The following DOCK1 variants were observed in gnomAD, a reference collection of about 807,000 sequenced individuals.
The protein encoded by DOCK1 is dedicator of cytokinesis protein 1.
In DOCK1, 138 loss-of-function variants were observed where a neutral mutation model predicts 262.7. The observed-to-expected ratio is 0.53, with a 90% CI of 0.46 to 0.61. DOCK1 has a LOEUF of 0.61. Among genes scored for constraint, DOCK1 ranks in the 20% least tolerant of loss-of-function variants. The pLI is 0.00. For missense variants in DOCK1, 1,908 were observed against 2,370.7 expected (o/e 0.80, Z 4.05); for synonymous variants, 866 against 867.4 (o/e 1.00, Z 0.03).
chr10:126,987,132 C>G (rs1036855322), intron 4 of DOCK1, among the ~76,000 whole-genome samples: 1 of 152,132 alleles, frequency 6.6e-6, no homozygotes, highest in Non-Finnish European at 1.5e-5. Flanking sequence ...CCCAAACCTG[C>G]ATTTTAATGC....
At chr10:126,996,370 G>C (rs1287099299) in intron 6 of DOCK1, among the ~76,000 whole-genome samples, 2 of 94,934 alleles carry the variant, frequency 2.1e-5, no homozygotes, top group African/African-American at 9.2e-5. Context: ...ACAAGAACGA[G>C]ACTGTCTCAA....
chr10:127,386,730 C>G lies in DOCK1; in HGVS notation c.3927+1821C>G, dbSNP rs115928713. On this transcript the variant is annotated intron_variant, in intron 38 of 51. Transcript: ENST00000623213. ...GTAATAATAATAGAAATAAAGTACA[C>G]GATCAATGTAATGCCCGTGAATCAT... 8.5e-3 allele frequency among the ~76,000 whole-genome samples: 1,288 copies of G among 152,146 alleles called. 16 individuals are homozygous for G. Among genetic ancestry groups the G allele is most frequent in the African/African-American group, 0.029 (1,220 of 41,496 alleles).
Position 126,914,871 on chromosome 10 carries a change from G to C in DOCK1, c.46+9308G>C, listed in dbSNP as rs374407703. Among the ~76,000 whole-genome samples, 26 of 152,352 alleles carry C rather than the reference G, an allele frequency of 1.7e-4. No individual in the cohort carries two copies. In the East Asian group the frequency reaches 3.9e-3, roughly 23 times the overall value. Reference sequence around the variant, plus strand: ...GGGCTCTGCTCTGCCCAGCCATTCAGAGTCTCTGGCTCCTTTGACCCTGCC... The same window carrying C: ...GGGCTCTGCTCTGCCCAGCCATTCACAGTCTCTGGCTCCTTTGACCCTGCC... On this transcript the variant is annotated intron_variant, in intron 1 of 51. Transcript: ENST00000623213.
chr10:127,232,678 A>G (rs1046142231), intron 27 of DOCK1, among the ~76,000 whole-genome samples: 2 of 152,162 alleles, frequency 1.3e-5, no homozygotes, highest in African/African-American at 4.8e-5. Flanking sequence ...CCTTCATGAC[A>G]CCAACACAGT....
At chr10:127,020,563 G>A (rs2042343066) in intron 13 of DOCK1, among the ~76,000 whole-genome samples, 1 of 145,400 alleles carries the variant, frequency 6.9e-6, no homozygotes, top group East Asian at 2.0e-4. Flanking sequence ...GAGAGAACCT[G>A]TCTCAAAAAA....
At chr10:127,430,091 TG>T in intron 47 of DOCK1, among the ~76,000 whole-genome samples, 1 of 152,176 alleles carries the variant, frequency 6.6e-6, no homozygotes, top group Non-Finnish European at 1.5e-5. Flanking sequence ...CAACACCCGC[TG>T]GCCACCCAGA....
At chr10:127,410,041 C>G (rs1214525771) in intron 42 of DOCK1, among the ~76,000 whole-genome samples, 1 of 152,204 alleles carries the variant, frequency 6.6e-6, no homozygotes, top group Non-Finnish European at 1.5e-5. Flanking sequence ...TCTGTTTGAT[C>G]CATGTTCTGG....
intron 23 of DOCK1, among the ~76,000 whole-genome samples, chr10:127,093,231 C>CT (rs772956583): frequency 8.3e-6 from 1 of 120,138 alleles, no homozygotes; most frequent in South Asian, 2.6e-4. Flanking sequence ...TTCTTTCTTT[C>CT]TTTCTTTCTT....
intron 29 of DOCK1, among the ~76,000 whole-genome samples, chr10:127,306,086 C>T (rs1482305550): frequency 1.3e-5 from 2 of 149,780 alleles, no homozygotes; most frequent in South Asian, 4.2e-4. Context: ...GCGATCTCAG[C>T]TTACTGCAAC....
At chr10:127,096,475 T>G (rs1256556945) in intron 23 of DOCK1, among the ~76,000 whole-genome samples, 1 of 152,214 alleles carries the variant, frequency 6.6e-6, no homozygotes, top group African/African-American at 2.4e-5. Flanking sequence ...GGAATCATTT[T>G]AATGTGCGTT....
At chr10:127,341,001 ACTTGGCAAATCTCTC>A (rs2063401128) in intron 30 of DOCK1, among the ~76,000 whole-genome samples, 1 of 152,116 alleles carries the variant, frequency 6.6e-6, no homozygotes, top group Non-Finnish European at 1.5e-5. Context: ...TTCATGTTTT[ACTTGGCAAATCTCTC>A]CTTGCCTTAA....
intron 32 of DOCK1, among the ~76,000 whole-genome samples, chr10:127,358,960 T>C (rs191800201): frequency 4.6e-5 from 7 of 152,316 alleles, no homozygotes; most frequent in African/African-American, 1.4e-4. Flanking sequence ...AGATGGGCTA[T>C]GAGACCGGCA....
chr10:127,145,954 G>A (rs760913478), intron 27 of DOCK1: 7 of 511,786 alleles, frequency 1.4e-5, no homozygotes, highest in Admixed American at 5.9e-5. Flanking sequence ...CTTTCAAGAC[G>A]CCTATCTGTG....
rs1488091844 is a variant in DOCK1, at chr10:127,190,673, C to T, written c.2848-57335C>T. 7.2e-5 allele frequency among the ~76,000 whole-genome samples: 2 copies of T among 27,660 alleles called. 1 individual carries two copies. Among genetic ancestry groups the T allele is most frequent in the Admixed American group, 6.4e-4 (2 of 3,134 alleles). The allele number at this position is 27,660 out of a possible 152,430, so 18.1% of individuals were successfully genotyped here. A position where few individuals can be genotyped will look rare whatever the true frequency, so the allele number is the denominator to read the frequency against. ...TAATAGAAATCCTATCTTCCCCCCCCCCCCCCCCCCGTTCCTGCTGGCTCC... is the reference window on the plus strand; with the variant it reads ...TAATAGAAATCCTATCTTCCCCCCCTCCCCCCCCCCGTTCCTGCTGGCTCC... On this transcript the variant is annotated intron_variant, in intron 27 of 51. Transcript: ENST00000623213.
At chr10:127,021,247 C>T (rs559458715) in intron 13 of DOCK1, among the ~76,000 whole-genome samples, 5 of 152,296 alleles carry the variant, frequency 3.3e-5, no homozygotes, top group African/African-American at 9.6e-5. Context: ...CTCACCGCAA[C>T]GTCTGCCTCC....
At chr10:127,337,567 C>G (rs899225569) in intron 29 of DOCK1, among the ~76,000 whole-genome samples, 4 of 152,102 alleles carry the variant, frequency 2.6e-5, no homozygotes, top group Admixed American at 6.5e-5. Context: ...ATCTGGCAAC[C>G]CTGCGGCTGA....
At chr10:126,958,713 C>G (rs1410379312) in intron 1 of DOCK1, among the ~76,000 whole-genome samples, 3 of 152,086 alleles carry the variant, frequency 2.0e-5, no homozygotes, top group African/African-American at 7.2e-5. Flanking sequence ...GGGTTGGGGA[C>G]CTATGAGGAA....
intron 1 of DOCK1, among the ~76,000 whole-genome samples, chr10:126,967,868 C>T (rs1273571341): frequency 6.6e-6 from 1 of 152,140 alleles, no homozygotes; most frequent in Non-Finnish European, 1.5e-5. Context: ...GGCTGGAGTG[C>T]AGTGGTGCGA....
intron 2 of DOCK1, among the ~76,000 whole-genome samples, chr10:126,973,601 T>C (rs571667605): frequency 6.6e-6 from 1 of 152,350 alleles, no homozygotes; most frequent in East Asian, 1.9e-4. Context: ...CTCTTTAGCA[T>C]AAAATGAATT....
Sources: gnomAD v4.1 joint callset for allele counts (sites outside exome capture counted in the v4.1 genomes callset) on GRCh38, gnomAD v4.1.1 for gene constraint, MANE v1.5 for transcripts, NCBI Gene and HGNC (gene_info 2026-07-23, HGNC 2026-07-21) for gene names.